The following ZCCHC7 variants were observed in gnomAD, a reference collection of about 807,000 sequenced individuals.
The protein encoded by ZCCHC7 is zinc finger CCHC domain-containing protein 7.
In ZCCHC7, 35 loss-of-function variants were observed where a neutral mutation model predicts 52.0. The observed-to-expected ratio is 0.67, with a 90% CI of 0.51 to 0.89. The LOEUF (loss-of-function observed/expected upper bound fraction) is 0.89, where lower values mean the gene tolerates loss of function less well. Among genes scored for constraint, ZCCHC7 ranks in the 40% least tolerant of loss-of-function variants. The pLI is 0.00. For synonymous variants in ZCCHC7, 217 were observed against 221.5 expected (o/e 0.98, Z 0.18); for missense variants, 574 against 649.1 (o/e 0.88, Z 1.26).
At chr9:37,269,630 A>AAAAAAAAAAAAAAAAAAAAAAAAAAAAAT (rs1827296192) in intron 2 of ZCCHC7, among the ~76,000 whole-genome samples, 1 of 145,914 alleles carries the variant, frequency 6.9e-6, no homozygotes. Flanking sequence ...AAAAAAAAAA[A>AAAAAAAAAAAAAAAAAAAAAAAAAAAAAT]AAAAAAAAAA....
In ZCCHC7 at chr9:37,212,506, TTTTCTC is replaced by T. The variant is rs763536889; in HGVS notation, c.610+85576_610+85581del. Among the ~76,000 whole-genome samples the T allele has an allele frequency of 1.9e-4, 29 of 152,286 alleles. No homozygotes were observed. In the East Asian group the frequency reaches 5.2e-3, roughly 27 times the overall value. ...GTAATTGTGAAATAGCTTGCTTTCTTTTTCTCTTTCTCTTTCTTTTCTTTTTAGTTG... is the reference window on the plus strand; with the variant it reads ...GTAATTGTGAAATAGCTTGCTTTCTTTTTCTCTTTCTTTTCTTTTTAGTTG... On this transcript the variant is annotated intron_variant, in intron 2 of 8. Coordinates refer to ENST00000336755, the MANE Select transcript of ZCCHC7 (RefSeq NM_032226.3).
chr9:37,335,947 T>G, intron 6 of ZCCHC7, among the ~76,000 whole-genome samples: 1 of 152,156 alleles, frequency 6.6e-6, no homozygotes, highest in African/African-American at 2.4e-5. Context: ...TAGTTCTCTA[T>G]CATAAGCAAA....
chr9:37,173,263 G>GT (rs1250472916), intron 2 of ZCCHC7, among the ~76,000 whole-genome samples: 7 of 152,156 alleles, frequency 4.6e-5, no homozygotes, highest in East Asian at 3.8e-4. Context: ...GATTTAACAT[G>GT]TTTTTTCTGA....
At chr9:37,281,628 T>C (rs1827963329) in intron 2 of ZCCHC7, among the ~76,000 whole-genome samples, 1 of 152,240 alleles carries the variant, frequency 6.6e-6, no homozygotes, top group African/African-American at 2.4e-5. Context: ...ATTTTGAATC[T>C]CATTTTGAGA....
intron 6 of ZCCHC7, 82 bp from the exon 7 acceptor site, chr9:37,349,275 T>TA (rs1430361894): frequency 7.2e-7 from 1 of 1,395,186 alleles, no homozygotes; most frequent in Non-Finnish European, 1.0e-6. Flanking sequence ...AGGAATCCCT[T>TA]ACCTATAAAG....
intron 6 of ZCCHC7, among the ~76,000 whole-genome samples, chr9:37,336,290 T>G (rs990582516): frequency 6.6e-6 from 1 of 152,326 alleles, no homozygotes; most frequent in South Asian, 2.1e-4. Context: ...ACTTTATCAG[T>G]ACATGCAGTT....
chr9:37,272,121 C>T (rs1827446069), intron 2 of ZCCHC7, among the ~76,000 whole-genome samples: 1 of 152,138 alleles, frequency 6.6e-6, no homozygotes, highest in Non-Finnish European at 1.5e-5. Context: ...GGGGAAGTGT[C>T]ATTAATGATT....
chr9:37,138,432 T>A (rs1477925293), intron 2 of ZCCHC7, among the ~76,000 whole-genome samples: 2 of 152,160 alleles, frequency 1.3e-5, no homozygotes, highest in African/African-American at 4.8e-5. Flanking sequence ...ATCAGCAACA[T>A]AGGGAGGCAG....
intron 5 of ZCCHC7, among the ~76,000 whole-genome samples, chr9:37,316,768 G>A (rs983856344): frequency 2.6e-5 from 4 of 151,894 alleles, no homozygotes; most frequent in African/African-American, 9.7e-5. Flanking sequence ...AAAACTTGAT[G>A]GTCTCTCAAG....
chr9:37,129,336 GAATTA>G (rs1305040997), intron 2 of ZCCHC7, among the ~76,000 whole-genome samples: 1 of 152,178 alleles, frequency 6.6e-6, no homozygotes, highest in Non-Finnish European at 1.5e-5. Flanking sequence ...TAGCCAAATA[GAATTA>G]AATTCTGAAT....
At chr9:37,206,497 A>G (rs879758146) in intron 2 of ZCCHC7, among the ~76,000 whole-genome samples, 2 of 151,964 alleles carry the variant, frequency 1.3e-5, no homozygotes, top group Non-Finnish European at 2.9e-5. Context: ...GACTACAAGT[A>G]TGTACCACCA....
chr9:37,304,190 C>A lies in ZCCHC7; in HGVS notation c.657C>A (p.Ala219=), dbSNP rs767950990. The change falls in exon 4 of 9, where the codon GCC becomes GCA. Residue 219 remains alanine, a splice_region_variant and synonymous_variant. Coordinates refer to ENST00000336755, the MANE Select transcript of ZCCHC7 (RefSeq NM_032226.3). ...TTCTTGATTTTTTTTTCCCTTAGGCCCAGATAGCTAATAACCGAACACCTG... is the reference window on the plus strand; with the variant it reads ...TTCTTGATTTTTTTTTCCCTTAGGCACAGATAGCTAATAACCGAACACCTG... ...NWSISDKDIE[A]QIANNRTPGR... 41 of 1,606,266 alleles carry A rather than the reference C, an allele frequency of 2.6e-5. No individual in the cohort carries two copies. Among genetic ancestry groups the A allele is most frequent in the Non-Finnish European group, 1.9e-5 (22 of 1,177,358 alleles).
intron 2 of ZCCHC7, among the ~76,000 whole-genome samples, chr9:37,237,605 A>G (rs372361351): frequency 2.0e-5 from 3 of 152,330 alleles, no homozygotes; most frequent in South Asian, 2.1e-4. Context: ...TTTTCACACA[A>G]TGGTCACTTA....
At chr9:37,260,290 G>A (rs1170473678) in intron 2 of ZCCHC7, among the ~76,000 whole-genome samples, 3 of 152,184 alleles carry the variant, frequency 2.0e-5, no homozygotes, top group Admixed American at 1.3e-4. Context: ...GCCAATCTGG[G>A]CTCAGTCCTG....
intron 4 of ZCCHC7, among the ~76,000 whole-genome samples, chr9:37,304,678 G>A (rs1244775943): frequency 6.6e-6 from 1 of 151,154 alleles, no homozygotes; most frequent in Non-Finnish European, 1.5e-5. Context: ...AAAATCTCAA[G>A]TGTGAAACCC....
chr9:37,195,089 G>T (rs1443088977), intron 2 of ZCCHC7, among the ~76,000 whole-genome samples: 1 of 151,696 alleles, frequency 6.6e-6, no homozygotes, highest in Non-Finnish European at 1.5e-5. Flanking sequence ...TAGGATTACA[G>T]GCGTGCACCA....
At chr9:37,125,521 A>G (rs1842506032) in intron 1 of ZCCHC7, among the ~76,000 whole-genome samples, 1 of 152,248 alleles carries the variant, frequency 6.6e-6, no homozygotes, top group South Asian at 2.1e-4. Flanking sequence ...GTTAATTGAG[A>G]ATATACATTT....
rs909010363 is a variant in ZCCHC7, at chr9:37,305,861, A to G, written c.951+147A>G. On this transcript the variant is annotated intron_variant, in intron 5 of 8. Coordinates refer to ENST00000336755, the MANE Select transcript of ZCCHC7 (RefSeq NM_032226.3). ...TATATATATATATATAGTCATGTCC[A>G]TTTTGTCACTGAACATGTATATAAA... 1.1e-5 allele frequency: 9 copies of G among 790,768 alleles called. No individual in the cohort carries two copies. The African/African-American group carries it at 1.4e-4, about 12-fold the overall frequency. The allele number at this position is 790,768 out of a possible 1,614,324, so 49.0% of individuals were successfully genotyped here.
intron 7 of ZCCHC7, among the ~76,000 whole-genome samples, chr9:37,350,599 T>C (rs769453356): frequency 6.6e-6 from 1 of 152,204 alleles, no homozygotes; most frequent in Non-Finnish European, 1.5e-5. Flanking sequence ...CCAGCCAACA[T>C]ATTCCCTAAC....
Sources: gnomAD v4.1 joint callset for allele counts (sites outside exome capture counted in the v4.1 genomes callset) on GRCh38, gnomAD v4.1.1 for gene constraint, MANE v1.5 for transcripts, NCBI Gene and HGNC (gene_info 2026-07-23, HGNC 2026-07-21) for gene names.